Variants in TAF6 observed in about 807,000 individuals in gnomAD.
TAF6 encodes TATA-box binding protein associated factor 6, also known as transcription initiation factor TFIID subunit 6.
In TAF6, 50 loss-of-function variants were observed where a neutral mutation model predicts 73.5. The observed-to-expected ratio is 0.68, with a 90% CI of 0.54 to 0.86. The LOEUF is 0.86. Among genes scored for constraint, TAF6 ranks in the 40% least tolerant of loss-of-function variants. The pLI is 0.00. For synonymous variants in TAF6, 424 were observed against 376.7 expected, an observed-to-expected ratio of 1.13 and a Z score of -1.45; for missense variants, 768 against 899.5, an observed-to-expected ratio of 0.85 and a Z score of 1.87.
chr7:100,118,150 G>A (rs1562935016), intron 1 of TAF6, among the ~76,000 whole-genome samples: 1 of 151,856 alleles, frequency 6.6e-6, no homozygotes, highest in African/African-American at 2.4e-5. Context: ...TTAGGAGTTC[G>A]AGACCACCCT....
chr7:100,119,346 C>T lies in TAF6; in HGVS notation c.-202G>A. The T allele has an allele frequency of 9.6e-7, 1 of 1,040,656 alleles. No individual in the cohort carries two copies. The highest frequency in any genetic ancestry group is 1.2e-6 in the Non-Finnish European group (1 of 863,240). 64.5% of individuals were successfully genotyped at this position (1,040,656 alleles called of 1,614,324 possible). A position where few individuals can be genotyped will look rare whatever the true frequency, so the allele number is the denominator to read the frequency against. On this transcript the variant is annotated 5_prime_UTR_variant, in exon 1 of 15. Coordinates refer to ENST00000453269, the MANE Select transcript of TAF6 (RefSeq NM_139315.3). Reference sequence around the variant, plus strand: ...CTGCTCACCCGGCGCTCGGCGCCATCTTGGCCCCGCCCCCTCGTGGGAGCA... The same window carrying T: ...CTGCTCACCCGGCGCTCGGCGCCATTTTGGCCCCGCCCCCTCGTGGGAGCA...
Position 100,107,391 on chromosome 7 carries a change from G to T in TAF6, c.1889C>A (p.Pro630His). 9 of 1,598,348 alleles carry T rather than the reference G, an allele frequency of 5.6e-6. No individual in the cohort carries two copies. The highest frequency in any genetic ancestry group is 7.7e-6 in the Non-Finnish European group (9 of 1,170,234). Reference protein sequence around the residue: ...GPTSHPSPVPPPASSPSPLSG... With the variant: ...GPTSHPSPVPHPASSPSPLSG... The stretch of plus-strand genomic sequence containing the variant: ...GAGTGGGGACGGGGACGATGCCGGG[G>T]GAGGAACTGGAGAAGGATGGGAGGT... The change falls in exon 15 of 15, where the codon CCC (proline) becomes CAC (histidine). Residue 630 changes from proline to histidine, a missense_variant. Physicochemically the swap from Pro to His is moderately conservative, Grantham distance 77. Transcript: ENST00000453269.
chr7:100,108,613 A>G (rs767049871), intron 12 of TAF6, 73 bp from the exon 13 acceptor site: 5 of 1,495,810 alleles, frequency 3.3e-6, no homozygotes, highest in Non-Finnish European at 4.5e-6. Flanking sequence ...GGCTGGTGAC[A>G]CTCTTGAGAA....
At chr7:100,122,381 G>A (rs144284209), upstream of TAF6, 374 of 1,614,006 alleles carry the variant, frequency 2.3e-4, no homozygotes, top group East Asian at 3.6e-3. Context: ...GCCTTACAGC[G>A]TTTCGTGAGT....
intron 1 of TAF6, chr7:100,115,305 C>A (rs1797584250): frequency 6.6e-6 from 1 of 152,222 alleles, no homozygotes; most frequent in Admixed American, 6.5e-5. Flanking sequence ...GCTCAGCTTT[C>A]CTTATCTTCA....
upstream of TAF6, chr7:100,120,326 GC>G (rs772331017): frequency 2.7e-4 from 42 of 153,374 alleles, no homozygotes; most frequent in Non-Finnish European, 6.0e-4. Context: ...GAGTAATTCA[GC>G]CTTTGAAGCT....
upstream of TAF6, chr7:100,122,346 A>G (rs1364106198): frequency 6.2e-7 from 1 of 1,613,976 alleles, no homozygotes; most frequent in Non-Finnish European, 8.5e-7. Flanking sequence ...CAGGTGCTGG[A>G]TACAGGCAAG....
In TAF6 at chr7:100,108,429, C is replaced by T; in HGVS notation, c.1396G>A (p.Ala466Thr). The change falls in exon 13 of 15, where the codon GCT becomes ACT. Residue 466 changes from alanine (A) to threonine (T), a missense_variant. Around this residue, in one of 5 missense-constraint regions of TAF6, gnomAD observed 350 missense variants for 352.3 expected, o/e 0.99. Coordinates refer to ENST00000453269, the MANE Select transcript of TAF6 (RefSeq NM_139315.3). ...GPLLCSQVVK[A>T]RAQAALQAQQ... Reference sequence around the variant, plus strand: ...GCCTGCAGAGCAGCCTGGGCCCGAGCCTTGACCACCTGGGAGCAGAGGAGG... The same window carrying T: ...GCCTGCAGAGCAGCCTGGGCCCGAGTCTTGACCACCTGGGAGCAGAGGAGG... 6.2e-7 allele frequency: 1 copy of T among 1,613,882 alleles called. No homozygotes were observed. The highest frequency in any genetic ancestry group is 8.5e-7 in the Non-Finnish European group (1 of 1,179,826).
At chr7:100,122,532 CTA>C (rs1205617355), upstream of TAF6, 2 of 1,613,736 alleles carry the variant, frequency 1.2e-6, no homozygotes, top group Non-Finnish European at 1.7e-6. Context: ...GGATCCTGGA[CTA>C]TAGTGTTCAC....
the TAF6 span, among the ~76,000 whole-genome samples, chr7:100,126,503 A>G: frequency 3.4e-4 from 51 of 152,070 alleles, no homozygotes; most frequent in Non-Finnish European, 5.7e-4. Context: ...ACTGTCTCAA[A>G]AGAAAAAAAG....
chr7:100,124,177 C>T (rs1798154714), upstream of TAF6, among the ~76,000 whole-genome samples: 1 of 151,648 alleles, frequency 6.6e-6, no homozygotes. Context: ...ATGATATCCA[C>T]CATCACTTAT....
rs1331440809 is a variant in TAF6 at position 100,107,400 on chromosome 7, G to A, written c.1880C>T (p.Pro627Leu). 8 of 1,602,168 alleles carry A rather than the reference G, an allele frequency of 5.0e-6. No individual in the cohort carries two copies. The highest frequency in any genetic ancestry group is 6.0e-6 in the Non-Finnish European group (7 of 1,172,544). ...GKGGPTSHPS[P>L]VPPPASSPSP... ...CGGGGACGATGCCGGGGGAGGAACTGGAGAAGGATGGGAGGTGGGGCCTCC... is the reference window on the plus strand; with the variant it reads ...CGGGGACGATGCCGGGGGAGGAACTAGAGAAGGATGGGAGGTGGGGCCTCC... The change falls in exon 15 of 15, where the codon CCA (proline) becomes CTA (leucine). Residue 627 changes from proline to leucine, a missense_variant. This residue lies in a region of TAF6 where 350 missense variants were observed against 352.3 expected (regional missense o/e 0.99). Coordinates refer to ENST00000453269, the MANE Select transcript of TAF6 (RefSeq NM_139315.3).
intron 9 of TAF6, 46 bp from the exon 10 acceptor site, chr7:100,111,367 G>C: frequency 6.3e-7 from 1 of 1,589,748 alleles, no homozygotes; most frequent in Non-Finnish European, 8.6e-7. Context: ...TTGTTTGTCT[G>C]CTTGAGATAA....
At chr7:100,119,368 A>G (rs1235052360), upstream of TAF6, 7 of 1,051,526 alleles carry the variant, frequency 6.7e-6, no homozygotes, top group East Asian at 9.3e-5. Context: ...CCCTCGTGGG[A>G]GCAGGTCCTG....
intron 6 of TAF6, 96 bp downstream of exon 6, chr7:100,112,702 G>A (rs941989959): frequency 1.4e-6 from 2 of 1,455,564 alleles, no homozygotes; most frequent in South Asian, 1.4e-5. Context: ...GTGACAGAGT[G>A]AGACTCTGTC....
rs936045459 is a variant in TAF6 at position 100,119,227 on chromosome 7, G to C, written c.-83C>G. ...ACCGTCCTCTTTCCAGTCCCCACAA[G>C]GGACCTTCAAAGGGTCTCCTCCGGG... On this transcript the variant is annotated 5_prime_UTR_variant, in exon 1 of 15. Transcript: ENST00000453269. The C allele has an allele frequency of 1.1e-5, 11 of 998,818 alleles. 1 individual carries two copies. 61.9% of individuals were successfully genotyped at this position (998,818 alleles called of 1,614,324 possible).
chr7:100,107,371 G>A lies in TAF6; in HGVS notation c.1909C>T (p.Pro637Ser). The A allele has an allele frequency of 1.3e-6, 2 of 1,581,590 alleles. No individual in the cohort carries two copies. The highest frequency in any genetic ancestry group is 1.7e-6 in the Non-Finnish European group (2 of 1,160,724). ...PVPPPASSPS[P>S]LSGSALCGGK... ...CCACAAAGGGCACTGCCGCTGAGTGGGGACGGGGACGATGCCGGGGGAGGA... is the reference window on the plus strand; with the variant it reads ...CCACAAAGGGCACTGCCGCTGAGTGAGGACGGGGACGATGCCGGGGGAGGA... Residue 637 changes from proline (P) to serine (S), a missense_variant, in exon 15 of 15, where the codon CCA becomes TCA. By Grantham distance (74) the Pro-to-Ser change is moderately conservative (BLOSUM62 -1). Around this residue, in one of 5 missense-constraint regions of TAF6, gnomAD observed 350 missense variants for 352.3 expected, o/e 0.99. Coordinates refer to ENST00000453269, the MANE Select transcript of TAF6 (RefSeq NM_139315.3).
chr7:100,124,759 C>G, upstream of TAF6: 1 of 1,613,620 alleles, frequency 6.2e-7, no homozygotes, highest in Non-Finnish European at 8.5e-7. Context: ...GAAAGGAGAT[C>G]ACAGATGGGG....
At chr7:100,112,027 G>A (rs1211107493) in intron 7 of TAF6, 28 bp from the exon 8 acceptor site, 2 of 1,614,000 alleles carry the variant, frequency 1.2e-6, no homozygotes, top group Admixed American at 3.3e-5. Context: ...CCAGTCAGGT[G>A]GGGGTGGGAT....
Sources: allele counts gnomAD v4.1 joint callset (sites outside exome capture counted in the v4.1 genomes callset), GRCh38; gene constraint gnomAD v4.1.1; regional missense constraint gnomAD v4.1.1; transcripts MANE v1.5; gene names NCBI Gene and HGNC (gene_info 2026-07-23, HGNC 2026-07-21).